The following GUF1 variants were observed in gnomAD, a reference collection of about 807,000 sequenced individuals.
GUF1 encodes the protein GTP binding elongation factor GUF1.
GUF1 carries 78 observed loss-of-function variants against 82.4 expected under a neutral mutation model. The observed-to-expected ratio is 0.95, with a 90% CI of 0.79 to 1.14. GUF1 has a LOEUF of 1.14. Ranked by LOEUF, GUF1 falls within the 50% of genes most tolerant of loss-of-function variation. The probability of loss-of-function intolerance (pLI) is 0.00; values close to 1 mark genes in which losing one functional copy is unlikely to be tolerated. For synonymous variants in GUF1, 279 were observed against 282.3 expected, an observed-to-expected ratio of 0.99 and a Z score of 0.12; for missense variants, 814 against 798.2, an observed-to-expected ratio of 1.02 and a Z score of -0.24.
intron 5 of GUF1, among the ~76,000 whole-genome samples, chr4:44,682,985 C>T (rs1714852026): frequency 3.3e-5 from 5 of 151,968 alleles, no homozygotes; most frequent in Non-Finnish European, 7.4e-5. Context: ...TACTACTGAT[C>T]TCTTCTGCTG....
chr4:44,690,103 ATATT>A (rs1045039685), intron 11 of GUF1, 128 bp downstream of exon 11: 7 of 543,996 alleles, frequency 1.3e-5, no homozygotes, highest in African/African-American at 2.0e-5. Context: ...ATTAAACAAA[ATATT>A]TATTGATTAG....
Position 44,698,918 on chromosome 4 carries a change from T to A in GUF1, c.*237T>A. On this transcript the variant is annotated 3_prime_UTR_variant, in exon 17 of 17. Coordinates refer to ENST00000281543, the MANE Select transcript of GUF1 (RefSeq NM_021927.3). ...AGGTGACCGTGGCCAGATTAACCTTTGTTTCCTCTTCAGTAAAATCGAGAT... is the reference window on the plus strand; with the variant it reads ...AGGTGACCGTGGCCAGATTAACCTTAGTTTCCTCTTCAGTAAAATCGAGAT... The A allele has an allele frequency of 2.6e-6, 1 of 387,694 alleles. No individual in the cohort carries two copies. 24.0% of individuals were successfully genotyped at this position (387,694 alleles called of 1,614,324 possible).
rs1714553159 is a variant in GUF1 at position 44,678,487 on chromosome 4, G to C, written c.-136G>C. On this transcript the variant is annotated 5_prime_UTR_variant, in exon 1 of 17. Coordinates refer to ENST00000281543, the MANE Select transcript of GUF1 (RefSeq NM_021927.3). Reference sequence around the variant, plus strand: ...TCTGGTACTTGGGCAGAGCTCCCCGGGGTTCATTGTCTTCGCTTCACAGGA... The same window carrying C: ...TCTGGTACTTGGGCAGAGCTCCCCGCGGTTCATTGTCTTCGCTTCACAGGA... 1 of 692,002 alleles carries C rather than the reference G, an allele frequency of 1.4e-6. No homozygotes were observed. The highest frequency in any genetic ancestry group is 3.8e-5 in the South Asian group (1 of 26,320). The allele number at this position is 692,002 out of a possible 1,614,324, so 42.9% of individuals were successfully genotyped here. A position where few individuals can be genotyped will look rare whatever the true frequency, so the allele number is the denominator to read the frequency against.
chr4:44,687,507 A>T (rs921090803), intron 8 of GUF1, among the ~76,000 whole-genome samples: 3 of 147,318 alleles, frequency 2.0e-5, no homozygotes, highest in African/African-American at 7.4e-5. Context: ...TTTTGTAGGG[A>T]TTTTTTTTTT....
Position 44,697,378 on chromosome 4 carries a change from T to C in GUF1, c.1836-30T>C, listed in dbSNP as rs367613136. On this transcript the variant is annotated intron_variant, in intron 15 of 16. Transcript: ENST00000281543. Reference sequence around the variant, plus strand: ...GCTTTTAAACAGTATAATGGAATTATGTACTTAAACGAATTTTTCTCTTTT... The same window carrying C: ...GCTTTTAAACAGTATAATGGAATTACGTACTTAAACGAATTTTTCTCTTTT... The C allele has an allele frequency of 4.3e-5, 63 of 1,475,620 alleles. No homozygotes were observed. The African/African-American group carries it at 6.9e-4, about 16-fold the overall frequency. The allele number at this position is 1,475,620 out of a possible 1,614,324, so 91.4% of individuals were successfully genotyped here. A position where few individuals can be genotyped will look rare whatever the true frequency, so the allele number is the denominator to read the frequency against.
In GUF1 at chr4:44,689,381, A is replaced by G; in HGVS notation, c.1174A>G (p.Ser392Gly). 1.2e-6 allele frequency: 2 copies of G among 1,608,336 alleles called. No individual in the cohort carries two copies. Among genetic ancestry groups the G allele is most frequent in the South Asian group, 1.1e-5 (1 of 90,594 alleles). The change falls in exon 10 of 17, where the codon AGT becomes GGT. Residue 392 changes from serine to glycine, a missense_variant. Physicochemically the swap from Ser to Gly is moderately conservative, Grantham distance 56. Transcript: ENST00000281543. ...NDSSVTVHRD[S>G]SLALGAGWRL... ...TTCCAGTGTGACCGTTCATCGGGAT[A>G]GTAGCCTTGCTCTGGGTGCTGGCTG...
intron 13 of GUF1, among the ~76,000 whole-genome samples, chr4:44,693,608 T>C (rs1035393596): frequency 6.6e-6 from 1 of 152,118 alleles, no homozygotes; most frequent in Non-Finnish European, 1.5e-5. Flanking sequence ...AAACCAAATA[T>C]AATTTTGCAA....
chr4:44,695,742 G>T lies in GUF1; in HGVS notation c.1835+8G>T. On this transcript the variant is annotated splice_region_variant and intron_variant, in intron 15 of 16. Coordinates refer to ENST00000281543, the MANE Select transcript of GUF1 (RefSeq NM_021927.3). The stretch of plus-strand genomic sequence containing the variant: ...AATCATTGCAAGAGAAACGTGAGTT[G>T]AAATTCATTTTTGGTCTTGAGCCAG... The T allele has an allele frequency of 6.2e-7, 1 of 1,606,580 alleles. No homozygotes were observed. The highest frequency in any genetic ancestry group is 8.5e-7 in the Non-Finnish European group (1 of 1,177,722).
chr4:44,683,226 T>C lies in GUF1; in HGVS notation c.586-9T>C, dbSNP rs759569807. The C allele has an allele frequency of 3.3e-6, 5 of 1,527,018 alleles. No homozygotes were observed. In the South Asian group the frequency reaches 6.0e-5, roughly 18 times the overall value. The allele number at this position is 1,527,018 out of a possible 1,614,324, so 94.6% of individuals were successfully genotyped here. On this transcript the variant is annotated splice_polypyrimidine_tract_variant and intron_variant, in intron 5 of 16. Coordinates refer to ENST00000281543, the MANE Select transcript of GUF1 (RefSeq NM_021927.3). ...TTATACTTCACATAATGGATTTTTT[T>C]TTTTAAAGATAGATCTGAAGAATGC...
At chr4:44,689,009 G>A (rs1215000257) in intron 9 of GUF1, among the ~76,000 whole-genome samples, 1 of 148,262 alleles carries the variant, frequency 6.7e-6, no homozygotes, top group Admixed American at 6.7e-5. Flanking sequence ...TAATTCCCAT[G>A]TTTTTTTTTT....
chr4:44,699,985 G>A lies in GUF1; in HGVS notation c.*1304G>A, dbSNP rs1342874896. ...TGGCTGTATTTCTCCAGAGCTCTCA[G>A]CTCCCATGTTTATTCAGCCAACGAA... is the stretch of plus-strand genomic sequence containing the variant. On this transcript the variant is annotated 3_prime_UTR_variant, in exon 17 of 17. Transcript: ENST00000281543. 6.6e-6 allele frequency: 1 copy of A among 152,168 alleles called. No homozygotes were observed. The highest frequency in any genetic ancestry group is 1.5e-5 in the Non-Finnish European group (1 of 68,024). The allele number at this position is 152,168 out of a possible 1,614,324, so 9.4% of individuals were successfully genotyped here. A position where few individuals can be genotyped will look rare whatever the true frequency, so the allele number is the denominator to read the frequency against.
rs372340550 is a variant in GUF1, at chr4:44,694,634, A to G, written c.1715+121A>G. 2.7e-5 allele frequency: 17 copies of G among 626,720 alleles called. No individual in the cohort carries two copies. The African/African-American group carries it at 3.0e-4, about 11-fold the overall frequency. 38.8% of individuals were successfully genotyped at this position (626,720 alleles called of 1,614,324 possible). On this transcript the variant is annotated intron_variant, in intron 14 of 16. Coordinates refer to ENST00000281543, the MANE Select transcript of GUF1 (RefSeq NM_021927.3). The stretch of plus-strand genomic sequence containing the variant: ...AGGTAATTAAAATAGAGTTCACCCT[A>G]CTAACTTTGCTTTCTCTTTTTTTTC...
chr4:44,678,663 C>T lies in GUF1; in HGVS notation c.41C>T (p.Ala14Val), dbSNP rs778459305. 6 of 1,489,674 alleles carry T rather than the reference C, an allele frequency of 4.0e-6. No homozygotes were observed. In the South Asian group the frequency reaches 4.3e-5, roughly 11 times the overall value. The allele number at this position is 1,489,674 out of a possible 1,614,324, so 92.3% of individuals were successfully genotyped here. A position where few individuals can be genotyped will look rare whatever the true frequency, so the allele number is the denominator to read the frequency against. Residue 14 changes from alanine to valine, a missense_variant, in exon 1 of 17, where the codon GCT (alanine) becomes GTT (valine). Transcript: ENST00000281543. ...LVGRGWGCAR[A>V]LAPRATGAAL... Reference sequence around the variant, plus strand: ...GGTCGGGGCTGGGGGTGCGCACGCGCTCTCGCGCCACGAGCCACTGGGGCC... The same window carrying T: ...GGTCGGGGCTGGGGGTGCGCACGCGTTCTCGCGCCACGAGCCACTGGGGCC...
intron 15 of GUF1, 102 bp downstream of exon 15, chr4:44,695,836 TCTTA>T: frequency 8.5e-7 from 1 of 1,179,520 alleles, no homozygotes; most frequent in Non-Finnish European, 1.2e-6. Context: ...GCCTAAGCTT[TCTTA>T]CTTGTAGAAA....
intron 15 of GUF1, among the ~76,000 whole-genome samples, chr4:44,696,367 G>A (rs1000814921): frequency 6.6e-6 from 1 of 152,162 alleles, no homozygotes; most frequent in African/African-American, 2.4e-5. Flanking sequence ...GGGAGGCTGG[G>A]GCAGGAGTAT....
chr4:44,695,383 C>A (rs934433908), intron 14 of GUF1, among the ~76,000 whole-genome samples: 2 of 152,160 alleles, frequency 1.3e-5, no homozygotes, highest in Non-Finnish European at 2.9e-5. Context: ...GAAAGAGAAT[C>A]AAGAACAGTT....
At chr4:44,680,284 T>G (rs1714686152) in intron 1 of GUF1, among the ~76,000 whole-genome samples, 157 bp from the exon 2 acceptor site, 1 of 152,182 alleles carries the variant, frequency 6.6e-6, no homozygotes, top group African/African-American at 2.4e-5. Context: ...TAATATGAAC[T>G]TAGCCATACA....
At chr4:44,684,380 T>A (rs1714935176) in intron 6 of GUF1, among the ~76,000 whole-genome samples, 1 of 152,042 alleles carries the variant, frequency 6.6e-6, no homozygotes, top group Non-Finnish European at 1.5e-5. Context: ...TAGGAAAAGA[T>A]TTGGCATGTT....
intron 12 of GUF1, 43 bp downstream of exon 12, chr4:44,690,903 C>G (rs1443190058): frequency 1.4e-6 from 2 of 1,423,678 alleles, no homozygotes; most frequent in African/African-American, 2.9e-5. Context: ...GGTTTTAGTC[C>G]TCTGAAATAG....
Sources: allele counts gnomAD v4.1 joint callset (sites outside exome capture counted in the v4.1 genomes callset), GRCh38; gene constraint gnomAD v4.1.1; transcripts MANE v1.5; gene names NCBI Gene and HGNC (gene_info 2026-07-23, HGNC 2026-07-21).